MACROD2: variants seen among roughly 807,000 people sequenced by gnomAD.
MACROD2 encodes the protein mono-ADP ribosylhydrolase 2, also known as ADP-ribose glycohydrolase MACROD2.
In MACROD2, 36 loss-of-function variants were observed where a neutral mutation model predicts 70.4. The ratio of observed to expected loss-of-function variants is 0.51; its 90% CI spans 0.39 to 0.68. The LOEUF is 0.68. Ranked by LOEUF, MACROD2 falls within the 30% of genes least tolerant of loss-of-function variation. The probability of loss-of-function intolerance (pLI) is 0.00; values close to 1 mark genes in which losing one functional copy is unlikely to be tolerated. For synonymous variants in MACROD2, 172 were observed against 178.8 expected, an observed-to-expected ratio of 0.96 and a Z score of 0.30; for missense variants, 496 against 538.4, an observed-to-expected ratio of 0.92 and a Z score of 0.78.
At chr20:15,077,538 AGGTT>A (rs2075667591) in intron 5 of MACROD2, among the ~76,000 whole-genome samples, 1 of 152,196 alleles carries the variant, frequency 6.6e-6, no homozygotes, top group African/African-American at 2.4e-5. Context: ...ATTTTTCTGA[AGGTT>A]GGTTTGGACC....
intron 5 of MACROD2, among the ~76,000 whole-genome samples, chr20:15,197,429 G>A (rs1261807044): frequency 1.3e-5 from 2 of 151,910 alleles, no homozygotes; most frequent in Non-Finnish European, 2.9e-5. Context: ...TTACCATTAG[G>A]CAACAATGAA....
At chr20:14,832,227 G>T (rs1481952826) in intron 5 of MACROD2, among the ~76,000 whole-genome samples, 1 of 151,454 alleles carries the variant, frequency 6.6e-6, no homozygotes, top group Non-Finnish European at 1.5e-5. Flanking sequence ...TATTTTTTTA[G>T]TTGAAACGGG....
chr20:15,845,685 T>C lies in MACROD2; in HGVS notation c.646-17060T>C, dbSNP rs142825160. On this transcript the variant is annotated intron_variant, in intron 8 of 17. Transcript: ENST00000684519. ...AAACATGTCCAATAATAGTTTTGCA[T>C]GCAGACCAAATTAAGCCTTGATAAG... Among the ~76,000 whole-genome samples, 569 of 152,300 alleles carry C rather than the reference T, an allele frequency of 3.7e-3. 1 individual carries two copies. Among genetic ancestry groups the C allele is most frequent in the African/African-American group, 0.013 (550 of 41,562 alleles).
chr20:14,047,341 G>C (rs1327772995), intron 2 of MACROD2, among the ~76,000 whole-genome samples: 6 of 151,970 alleles, frequency 3.9e-5, no homozygotes, highest in Admixed American at 3.9e-4. Context: ...TGTAATCCTA[G>C]CTATTTGGGA....
At chr20:14,234,640 A>G (rs538994141) in intron 3 of MACROD2, among the ~76,000 whole-genome samples, 36 of 152,242 alleles carry the variant, frequency 2.4e-4, no homozygotes, top group African/African-American at 8.4e-4. Context: ...TGCAGATGAA[A>G]TGGTTTCTAT....
intron 8 of MACROD2, among the ~76,000 whole-genome samples, chr20:15,514,868 T>C (rs1261263137): frequency 6.6e-6 from 1 of 152,184 alleles, no homozygotes; most frequent in Non-Finnish European, 1.5e-5. Flanking sequence ...ATAACTACAA[T>C]CATCAAAAGC....
At chr20:15,580,911 G>A (rs1005698353) in intron 8 of MACROD2, among the ~76,000 whole-genome samples, 5 of 152,120 alleles carry the variant, frequency 3.3e-5, no homozygotes, top group African/African-American at 4.8e-5. Flanking sequence ...AAAGTCTGTG[G>A]GGCCTGCACA....
chr20:15,482,692 T>A lies in MACROD2; in HGVS notation c.572-17082T>A, dbSNP rs543510800. Among the ~76,000 whole-genome samples the A allele has an allele frequency of 3.6e-3, 541 of 152,298 alleles. 3 individuals carry two copies. The highest frequency in any genetic ancestry group is 4.6e-3 in the Admixed American group (70 of 15,298). On this transcript the variant is annotated intron_variant, in intron 7 of 17. Transcript: ENST00000684519. ...ATTTTGTATCCCCACCGGCAATGAA[T>A]GAGAGTCCCTGTTGTTCCACATTCT... is the stretch of plus-strand genomic sequence containing the variant.
chr20:15,173,082 G>A (rs1206133540), intron 5 of MACROD2, among the ~76,000 whole-genome samples: 2 of 152,002 alleles, frequency 1.3e-5, no homozygotes, highest in Non-Finnish European at 2.9e-5. Flanking sequence ...GGGTCTGTGT[G>A]TTAAACTTTT....
At chr20:15,739,449 G>A (rs1276213774) in intron 8 of MACROD2, among the ~76,000 whole-genome samples, 1 of 152,106 alleles carries the variant, frequency 6.6e-6, no homozygotes, top group Non-Finnish European at 1.5e-5. Flanking sequence ...AGGGTAAGGA[G>A]GCATAGAAGA....
intron 5 of MACROD2, among the ~76,000 whole-genome samples, chr20:14,956,503 A>T (rs950636208): frequency 1.3e-5 from 2 of 151,962 alleles, no homozygotes; most frequent in Non-Finnish European, 2.9e-5. Context: ...GTAAATTAAT[A>T]CTCTTAGAAG....
rs757964273 is a variant in MACROD2 at position 14,325,740 on chromosome 20, G to T, written c.272-167739G>T. The T allele has an allele frequency of 1.9e-6, 3 of 1,613,908 alleles. No homozygotes were observed. The African/African-American group carries it at 4.0e-5, about 22-fold the overall frequency. Reference sequence around the variant, plus strand: ...GTAACATCTGAAAAGAAGTTTCCCTGATTTCCAGGATAGAGTTGTCCTTCT... The same window carrying T: ...GTAACATCTGAAAAGAAGTTTCCCTTATTTCCAGGATAGAGTTGTCCTTCT... On this transcript the variant is annotated intron_variant, in intron 3 of 17. Transcript: ENST00000684519.
chr20:15,762,928 G>T (rs867594486), intron 8 of MACROD2, among the ~76,000 whole-genome samples: 12 of 152,272 alleles, frequency 7.9e-5, no homozygotes, highest in Middle Eastern at 3.4e-3. Context: ...CATACCAAAT[G>T]GAGTGGAAGT....
At chr20:15,533,961 C>A (rs1353065309) in intron 8 of MACROD2, among the ~76,000 whole-genome samples, 1 of 152,088 alleles carries the variant, frequency 6.6e-6, no homozygotes, top group Non-Finnish European at 1.5e-5. Flanking sequence ...AAATGCTTCC[C>A]ATGCCACTTC....
In MACROD2 at chr20:15,462,962, G is replaced by A. The variant is rs143559703; in HGVS notation, c.571+31527G>A. 6.2e-3 allele frequency among the ~76,000 whole-genome samples: 950 copies of A among 152,282 alleles called. 12 individuals are homozygous for A. Among genetic ancestry groups the A allele is most frequent in the African/African-American group, 0.021 (876 of 41,548 alleles). The stretch of plus-strand genomic sequence containing the variant: ...TCTATAGTAATAAAAAGGCAACTAT[G>A]AATTTGGTAACGTTTAAAAAGTTAT... On this transcript the variant is annotated intron_variant, in intron 7 of 17. Transcript: ENST00000684519.
chr20:14,679,785 C>T (rs2070908855), intron 4 of MACROD2, among the ~76,000 whole-genome samples: 1 of 151,808 alleles, frequency 6.6e-6, no homozygotes, highest in Non-Finnish European at 1.5e-5. Context: ...AATAGGAGAT[C>T]ATATTTTAAT....
At chr20:14,520,260 T>C (rs1055625751) in intron 4 of MACROD2, among the ~76,000 whole-genome samples, 1 of 152,096 alleles carries the variant, frequency 6.6e-6, no homozygotes, top group Non-Finnish European at 1.5e-5. Context: ...TTTTAAAAGA[T>C]GGTGGAGTGT....
At chr20:15,722,150 T>G (rs143862666) in intron 8 of MACROD2, among the ~76,000 whole-genome samples, 1 of 152,286 alleles carries the variant, frequency 6.6e-6, no homozygotes, top group African/African-American at 2.4e-5. Flanking sequence ...TTAATAGTCA[T>G]TAAGGATAAT....
chr20:14,989,863 T>C (rs2074885219), intron 5 of MACROD2, among the ~76,000 whole-genome samples: 1 of 152,200 alleles, frequency 6.6e-6, no homozygotes, highest in African/African-American at 2.4e-5. Flanking sequence ...CGTTTCTTTT[T>C]GCTAGTCATG....
Sources: gnomAD v4.1 joint callset for allele counts (sites outside exome capture counted in the v4.1 genomes callset) on GRCh38, gnomAD v4.1.1 for gene constraint, MANE v1.5 for transcripts, NCBI Gene and HGNC (gene_info 2026-07-23, HGNC 2026-07-21) for gene names.